DLGAP2: variants seen among roughly 807,000 people sequenced by gnomAD.
DLGAP2 encodes disks large-associated protein 2.
In DLGAP2, 26 loss-of-function variants were observed where a neutral mutation model predicts 100.3. That is an observed-to-expected ratio of 0.26 (90% CI 0.19 to 0.36). The LOEUF is 0.36. Ranked by LOEUF, DLGAP2 falls within the 10% of genes least tolerant of loss-of-function variation. The pLI is 1.00. For missense variants in DLGAP2, 1,858 were observed against 1,453.2 expected (o/e 1.28, Z -4.53); for synonymous variants, 886 against 630.1 (o/e 1.41, Z -6.08).
intron 2 of DLGAP2, among the ~76,000 whole-genome samples, chr8:1,068,538 G>C (rs1803326730): frequency 6.6e-6 from 1 of 152,206 alleles, no homozygotes; most frequent in South Asian, 2.1e-4. Context: ...GACTAAGGCT[G>C]TCCCGGTGGC....
chr8:1,044,293 A>C (rs1445929392), intron 2 of DLGAP2, among the ~76,000 whole-genome samples: 1 of 152,202 alleles, frequency 6.6e-6, no homozygotes, highest in Non-Finnish European at 1.5e-5. Flanking sequence ...ATGGGGGTTC[A>C]TGATTGCAAA....
At chr8:757,007 C>G (rs1820938057) in intron 1 of DLGAP2, among the ~76,000 whole-genome samples, 1 of 152,174 alleles carries the variant, frequency 6.6e-6, no homozygotes, top group Admixed American at 6.5e-5. Flanking sequence ...GAATGTTTGC[C>G]TCAAGAAGCT....
intron 1 of DLGAP2, among the ~76,000 whole-genome samples, chr8:801,146 C>T (rs547307058): frequency 1.3e-5 from 2 of 152,348 alleles, no homozygotes; most frequent in South Asian, 2.1e-4. Context: ...GTTGTGCCTG[C>T]GTGTTTCTCT....
intron 2 of DLGAP2, among the ~76,000 whole-genome samples, chr8:1,076,208 C>T (rs1363057314): frequency 6.6e-6 from 1 of 152,198 alleles, no homozygotes; most frequent in Non-Finnish European, 1.5e-5. Flanking sequence ...CCTCTCCCCT[C>T]ACCCCTGTGC....
rs1280255559 is a variant in DLGAP2, at chr8:1,549,647, C to T, written c.1194C>T (p.Asp398=). 15 of 1,573,146 alleles carry T rather than the reference C, an allele frequency of 9.5e-6. No homozygotes were observed. Among genetic ancestry groups the T allele is most frequent in the Admixed American group, 1.8e-5 (1 of 54,128 alleles). ...TGGACAAGCCGCTGCTGCACCAGGA[C>T]GCCAAGCCCGCCCTGAGGCCGTGCC... The part of the protein sequence containing the change: ...LNLDKPLLHQ[D]AKPALRPCHY... Residue 398 remains aspartate, a synonymous_variant, in exon 5 of 15, where the codon GAC becomes GAT. Coordinates refer to ENST00000637795, the MANE Select transcript of DLGAP2 (RefSeq NM_001346810.2).
chr8:1,078,654 G>A (rs1189734675), intron 2 of DLGAP2, among the ~76,000 whole-genome samples: 1 of 151,994 alleles, frequency 6.6e-6, no homozygotes, highest in African/African-American at 2.4e-5. Flanking sequence ...GTTGGAAATA[G>A]ACAGTATGTA....
At chr8:813,555 A>C (rs1442144200) in intron 1 of DLGAP2, among the ~76,000 whole-genome samples, 1 of 152,168 alleles carries the variant, frequency 6.6e-6, no homozygotes, top group Non-Finnish European at 1.5e-5. Flanking sequence ...TTTATTTTCA[A>C]AACTGAGGAA....
chr8:1,474,560 T>C (rs1468433455), intron 3 of DLGAP2, among the ~76,000 whole-genome samples: 1 of 152,208 alleles, frequency 6.6e-6, no homozygotes, highest in East Asian at 1.9e-4. Flanking sequence ...TCTTTGATTA[T>C]GACCAATGAG....
At chr8:1,555,710 G>A (rs1036862383) in intron 5 of DLGAP2, among the ~76,000 whole-genome samples, 3 of 152,320 alleles carry the variant, frequency 2.0e-5, no homozygotes, top group South Asian at 2.1e-4. Flanking sequence ...GCTTGGTGCC[G>A]GGCAGGCAGG....
chr8:1,647,230 G>A (rs749019174), intron 8 of DLGAP2, among the ~76,000 whole-genome samples: 3 of 152,214 alleles, frequency 2.0e-5, no homozygotes, highest in East Asian at 1.9e-4. Context: ...GAACCCTAGC[G>A]TAAGGTATTC....
At chr8:910,052 C>G (rs1479097366) in intron 2 of DLGAP2, among the ~76,000 whole-genome samples, 1 of 152,128 alleles carries the variant, frequency 6.6e-6, no homozygotes, top group Non-Finnish European at 1.5e-5. Context: ...GAATGGGCAC[C>G]AAGTTTCCGT....
At chr8:946,947 G>A (rs34113545) in intron 2 of DLGAP2, among the ~76,000 whole-genome samples, 2 of 152,238 alleles carry the variant, frequency 1.3e-5, no homozygotes, top group South Asian at 2.1e-4. Context: ...CCGGGGTTGC[G>A]CACCGGGCGA....
chr8:1,331,239 G>A (rs530937212), intron 3 of DLGAP2, among the ~76,000 whole-genome samples: 1 of 152,342 alleles, frequency 6.6e-6, no homozygotes, highest in Non-Finnish European at 1.5e-5. Flanking sequence ...GCCATACTGT[G>A]TGCCATAACT....
intron 3 of DLGAP2, among the ~76,000 whole-genome samples, chr8:1,350,939 G>C (rs1442869668): frequency 2.2e-5 from 3 of 135,008 alleles, no homozygotes; most frequent in Admixed American, 7.1e-5. Context: ...AAGGCCGTGC[G>C]GGTCCTGAGT....
At chr8:1,231,347 G>C (rs1340518030) in intron 2 of DLGAP2, among the ~76,000 whole-genome samples, 1 of 152,190 alleles carries the variant, frequency 6.6e-6, no homozygotes, top group African/African-American at 2.4e-5. Context: ...ACAGATGCTG[G>C]TGAGGGTGCA....
intron 3 of DLGAP2, among the ~76,000 whole-genome samples, chr8:1,420,469 A>C (rs1797059694): frequency 6.6e-6 from 1 of 152,144 alleles, no homozygotes; most frequent in Non-Finnish European, 1.5e-5. Context: ...AGTTTTTTCT[A>C]ATTCCAATTC....
At chr8:1,583,460 G>A (rs1022270985) in intron 6 of DLGAP2, among the ~76,000 whole-genome samples, 1 of 152,182 alleles carries the variant, frequency 6.6e-6, no homozygotes, top group Non-Finnish European at 1.5e-5. Context: ...ACTGGCCTGT[G>A]GCGGGTGGCT....
chr8:1,202,294 A>ATG (rs1206587662), intron 2 of DLGAP2, among the ~76,000 whole-genome samples: 7 of 93,022 alleles, frequency 7.5e-5, no homozygotes, highest in East Asian at 3.9e-4. Flanking sequence ...TGTATGTAGT[A>ATG]TATGTGTGTG....
intron 2 of DLGAP2, among the ~76,000 whole-genome samples, chr8:941,463 C>T (rs1233986896): frequency 6.6e-6 from 1 of 152,174 alleles, no homozygotes; most frequent in East Asian, 1.9e-4. Context: ...ACCCGTCAGA[C>T]TCTAGATGCC....
Sources: allele counts gnomAD v4.1 joint callset (sites outside exome capture counted in the v4.1 genomes callset), GRCh38; gene constraint gnomAD v4.1.1; transcripts MANE v1.5; gene names NCBI Gene and HGNC (gene_info 2026-07-23, HGNC 2026-07-21).